RPA1: variants seen among roughly 807,000 people sequenced by gnomAD.
RPA1 encodes replication protein A 70 kDa DNA-binding subunit.
In RPA1, 49 loss-of-function variants were observed where a neutral mutation model predicts 83.0. That is an observed-to-expected ratio of 0.59 (90% CI 0.47 to 0.75). The LOEUF (loss-of-function observed/expected upper bound fraction) is 0.75. RPA1 is among the 30% of genes least tolerant of loss of function. RPA1 has a pLI of 0.00. For synonymous variants in RPA1, 279 were observed against 281.8 expected, an observed-to-expected ratio of 0.99 and a Z score of 0.10; for missense variants, 693 against 776.1, an observed-to-expected ratio of 0.89 and a Z score of 1.27.
At position 1,874,018 on chromosome 17, in the gene RPA1, T is replaced by A. The variant is rs62067477; in HGVS notation, c.454+1492T>A. ...AAAAAAAAAAAAAAAAAAAAATATATATATATATATATATACACACACACA... is the reference window on the plus strand; with the variant it reads ...AAAAAAAAAAAAAAAAAAAAATATAAATATATATATATATACACACACACA... On this transcript the variant is annotated intron_variant, in intron 6 of 16. Coordinates refer to ENST00000254719, the MANE Select transcript of RPA1 (RefSeq NM_002945.5). Among the ~76,000 whole-genome samples the A allele has an allele frequency of 3.7e-3, 329 of 89,646 alleles. 1 individual carries two copies. The highest frequency in any genetic ancestry group is 0.023 in the South Asian group (64 of 2,740). 58.8% of individuals were successfully genotyped at this position (89,646 alleles called of 152,430 possible). A position where few individuals can be genotyped will look rare whatever the true frequency, so the allele number is the denominator to read the frequency against.
chr17:1,835,973 A>C (rs968639452), intron 1 of RPA1, among the ~76,000 whole-genome samples: 7 of 152,080 alleles, frequency 4.6e-5, no homozygotes, highest in African/African-American at 1.7e-4. Flanking sequence ...TTTCATTTAG[A>C]AAGAAGAAAG....
In RPA1 at chr17:1,843,975, G is replaced by GT; in HGVS notation, c.141dup (p.Asp48Ter). The GT allele has an allele frequency of 6.2e-7, 1 of 1,613,906 alleles. No homozygotes were observed. The highest frequency in any genetic ancestry group is 8.5e-7 in the Non-Finnish European group (1 of 1,179,914). On this transcript the variant is annotated frameshift_variant, in exon 3 of 17. Coordinates refer to ENST00000254719, the MANE Select transcript of RPA1 (RefSeq NM_002945.5). LOFTEE classifies it high-confidence loss of function. ...CCGCCGCGTTATCGACTGCTCATGA[G>GT]TGATGGATTGAACACTCTATCCTGT...
In RPA1 at chr17:1,830,031, G is replaced by C. The variant is rs1911462467; in HGVS notation, c.-63G>C. ...TCGGGCCAATAACTGCGCAGCGCGC[G>C]GGACCCGGGTGGGGAAGCTGGAGCT... On this transcript the variant is annotated 5_prime_UTR_variant, in exon 1 of 17. Coordinates refer to ENST00000254719, the MANE Select transcript of RPA1 (RefSeq NM_002945.5). 1.6e-6 allele frequency: 2 copies of C among 1,243,422 alleles called. No homozygotes were observed. Among genetic ancestry groups the C allele is most frequent in the Non-Finnish European group, 2.0e-6 (2 of 983,730 alleles). The allele number at this position is 1,243,422 out of a possible 1,614,324, so 77.0% of individuals were successfully genotyped here. A position where few individuals can be genotyped will look rare whatever the true frequency, so the allele number is the denominator to read the frequency against.
At chr17:1,889,632 C>T (rs1914130464) in intron 14 of RPA1, among the ~76,000 whole-genome samples, 1 of 152,170 alleles carries the variant, frequency 6.6e-6, no homozygotes, top group Non-Finnish European at 1.5e-5. Flanking sequence ...TGAGCCACTG[C>T]ACCCGGCCTT....
At chr17:1,894,120 C>G (rs1425186189) in intron 15 of RPA1, among the ~76,000 whole-genome samples, 1 of 150,906 alleles carries the variant, frequency 6.6e-6, no homozygotes, top group African/African-American at 2.4e-5. Flanking sequence ...CCTCCCACCT[C>G]GGTCTCCCAA....
rs1913922572 is a variant in RPA1, at chr17:1,884,512, G to A, written c.1374+568G>A. Among the ~76,000 whole-genome samples the A allele has an allele frequency of 6.6e-6, 1 of 152,122 alleles. No individual in the cohort carries two copies. The highest frequency in any genetic ancestry group is 1.5e-5 in the Non-Finnish European group (1 of 68,002). Reference sequence around the variant, plus strand: ...TATTTAATGACCCTCCTCCCATCTTGATCTAAGCCTGTGTTCTGCCAGCAG... The same window carrying A: ...TATTTAATGACCCTCCTCCCATCTTAATCTAAGCCTGTGTTCTGCCAGCAG... On this transcript the variant is annotated intron_variant, in intron 13 of 16. Coordinates refer to ENST00000254719, the MANE Select transcript of RPA1 (RefSeq NM_002945.5). The surrounding 1 kb of genome is among the most constrained non-coding windows in gnomAD (Gnocchi z 4.1).
At chr17:1,868,631 C>T (rs577178772) in intron 5 of RPA1, among the ~76,000 whole-genome samples, 9 of 152,142 alleles carry the variant, frequency 5.9e-5, no homozygotes, top group East Asian at 1.9e-4. Flanking sequence ...ATTAGCCAGG[C>T]GTGATGGCGG....
At chr17:1,861,655 C>T (rs940475374) in intron 5 of RPA1, among the ~76,000 whole-genome samples, 5 of 151,952 alleles carry the variant, frequency 3.3e-5, no homozygotes, top group Admixed American at 6.6e-5. Flanking sequence ...TGCTGCTCTT[C>T]GTTAATTTTT....
At chr17:1,856,041 C>T (rs1912679410) in intron 5 of RPA1, among the ~76,000 whole-genome samples, 1 of 151,948 alleles carries the variant, frequency 6.6e-6, no homozygotes, top group Admixed American at 6.6e-5. Context: ...AATATATTTC[C>T]AGCTGGGTGC....
At chr17:1,858,233 G>T (rs1597435420) in intron 5 of RPA1, 1 of 1,613,624 alleles carries the variant, frequency 6.2e-7, no homozygotes, top group Non-Finnish European at 8.5e-7. Context: ...CCCAGACACA[G>T]GGACTTCACA....
intron 4 of RPA1, among the ~76,000 whole-genome samples, chr17:1,852,569 G>A (rs1411617310): frequency 6.6e-6 from 1 of 152,224 alleles, no homozygotes; most frequent in Non-Finnish European, 1.5e-5. Context: ...CAGCGGCACG[G>A]GAGGGGGGTT....
Position 1,877,248 on chromosome 17 carries a change from G to A in RPA1, c.624G>A (p.Gln208=), listed in dbSNP as rs1404488256. ...TICARVTNKS[Q]IRTWSNSRGE... is the part of the protein sequence containing the mutation. ...GTGCTCGTGTTACCAACAAAAGTCA[G>A]ATCCGTACCTGGAGCAACTCCCGAG... Residue 208 remains glutamine (Q), a synonymous_variant, in exon 8 of 17, where the codon CAG becomes CAA. Coordinates refer to ENST00000254719, the MANE Select transcript of RPA1 (RefSeq NM_002945.5). The A allele has an allele frequency of 6.2e-7, 1 of 1,614,092 alleles. No homozygotes were observed. The highest frequency in any genetic ancestry group is 8.5e-7 in the Non-Finnish European group (1 of 1,180,052).
chr17:1,858,391 C>T, intron 5 of RPA1: 1 of 1,595,518 alleles, frequency 6.3e-7, no homozygotes, highest in Admixed American at 1.7e-5. Flanking sequence ...GAGCTGAGGG[C>T]TAAAGTGGGC....
intron 15 of RPA1, among the ~76,000 whole-genome samples, chr17:1,894,643 A>G (rs1008440504): frequency 3.9e-5 from 6 of 152,136 alleles, no homozygotes; most frequent in Non-Finnish European, 7.3e-5. Context: ...TAAATAGGCA[A>G]ATTCATAGAG....
chr17:1,843,672 G>T (rs1046973058), intron 2 of RPA1, among the ~76,000 whole-genome samples: 2 of 149,412 alleles, frequency 1.3e-5, no homozygotes, highest in African/African-American at 4.9e-5. Context: ...TTGAGTCAGG[G>T]GTGAGAACAC....
In RPA1 at chr17:1,858,418, C is replaced by T. The variant is rs114600735; in HGVS notation, c.361+5229C>T. The T allele has an allele frequency of 1.6e-3, 2,538 of 1,567,458 alleles. 42 individuals are homozygous for T. The African/African-American group carries it at 0.029, about 18-fold the overall frequency. On this transcript the variant is annotated intron_variant, in intron 5 of 16. Transcript: ENST00000254719. ...AAAGTGGGCTCGGAGGCAATGACGA[C>T]CAACGTGTCTCAGCAACAGCGCAGC...
At chr17:1,833,287 T>C (rs1911690276) in intron 1 of RPA1, among the ~76,000 whole-genome samples, 1 of 152,152 alleles carries the variant, frequency 6.6e-6, no homozygotes, top group Non-Finnish European at 1.5e-5. Flanking sequence ...CTCTGCATTG[T>C]ATCCCCAATA....
Position 1,879,654 on chromosome 17 carries a change from G to A in RPA1, c.1047G>A (p.Met349Ile). The A allele has an allele frequency of 6.2e-7, 1 of 1,614,226 alleles. No individual in the cohort carries two copies. The highest frequency in any genetic ancestry group is 8.5e-7 in the Non-Finnish European group (1 of 1,180,040). ...REVAKRNIYL[M>I]DTSGKVVTAT... ...TTGCCAAGAGGAATATCTACTTGAT[G>A]GACACATCCGGGAAGGTGGTGACTG... The change falls in exon 11 of 17, where the codon ATG (methionine) becomes ATA (isoleucine). Residue 349 changes from methionine (M) to isoleucine (I), a missense_variant. Transcript: ENST00000254719.
intron 5 of RPA1, among the ~76,000 whole-genome samples, chr17:1,860,991 C>G (rs1315167077): frequency 1.3e-5 from 2 of 152,146 alleles, no homozygotes; most frequent in African/African-American, 4.8e-5. Flanking sequence ...GACTGTTCTA[C>G]CTCGTGCCCC....
Sources: gnomAD v4.1 joint callset for allele counts (sites outside exome capture counted in the v4.1 genomes callset) on GRCh38, gnomAD v4.1.1 for gene constraint, Gnocchi (gnomAD v3.1) non-coding constraint, MANE v1.5 for transcripts, NCBI Gene and HGNC (gene_info 2026-07-23, HGNC 2026-07-21) for gene names.